The following SPNS3 variants were observed in gnomAD, a reference collection of about 807,000 sequenced individuals.
SPNS3 encodes protein spinster homolog 3.
Under a neutral mutation model 54.4 loss-of-function variants are expected in SPNS3, and 51 were observed. That is an observed-to-expected ratio of 0.94 (90% CI 0.75 to 1.18). SPNS3 has a LOEUF of 1.18. Ranked by LOEUF, SPNS3 falls within the 50% of genes most tolerant of loss-of-function variation. The probability of loss-of-function intolerance (pLI) is 0.00; values close to 1 mark genes in which losing one functional copy is unlikely to be tolerated. For synonymous variants in SPNS3, 309 were observed against 294.7 expected, an observed-to-expected ratio of 1.05 and a Z score of -0.50; for missense variants, 669 against 677.4, an observed-to-expected ratio of 0.99 and a Z score of 0.14.
chr17:4,487,858 A>G lies in SPNS3; in HGVS notation c.1503A>G (p.Leu501=), dbSNP rs333122. Residue 501 remains leucine (L), a synonymous_variant, in exon 12 of 12, where the codon CTA becomes CTG. Transcript: ENST00000355530. The stretch of plus-strand genomic sequence containing the variant: ...GCAACGACCTGGAGAGACAAGGCCT[A>G]CTTTCGGGCGCTGGCGCCTCTACAG... The part of the protein sequence containing the change: ...VDSNDLERQG[L]LSGAGASTEE... 0.27 allele frequency: 433,146 copies of G among 1,607,282 alleles called. 61,789 individuals are homozygous for G. Among genetic ancestry groups the G allele is most frequent in the Middle Eastern group, 0.36 (2,164 of 6,048 alleles).
intron 9 of SPNS3, among the ~76,000 whole-genome samples, chr17:4,484,323 TTTA>T (rs1335979966): frequency 1.3e-5 from 2 of 152,174 alleles, no homozygotes. Context: ...TTATTATTAT[TTTA>T]TTATTATTTT....
chr17:4,470,430 A>G (rs1187378314), intron 8 of SPNS3, among the ~76,000 whole-genome samples: 1 of 151,892 alleles, frequency 6.6e-6, no homozygotes, highest in East Asian at 1.9e-4. Flanking sequence ...CCTGTCTTAA[A>G]ATAATATTAG....
At position 4,457,752 on chromosome 17, in the gene SPNS3, C is replaced by T. The variant is rs563982748; in HGVS notation, c.1113+4547C>T. Among the ~76,000 whole-genome samples, 7 of 152,268 alleles carry T rather than the reference C, an allele frequency of 4.6e-5. No individual in the cohort carries two copies. In the East Asian group the frequency reaches 1.4e-3, roughly 29 times the overall value. The stretch of plus-strand genomic sequence containing the variant: ...TGGGGACACAGCTGCCCCCCCCTCA[C>T]CCCCTGCACCCTGCAGCCTGGCGCA... On this transcript the variant is annotated intron_variant, in intron 8 of 11. Coordinates refer to ENST00000355530, the MANE Select transcript of SPNS3 (RefSeq NM_182538.5).
intron 3 of SPNS3, among the ~76,000 whole-genome samples, chr17:4,445,837 T>C (rs9899942): frequency 0.35 from 53,799 of 151,636 alleles, 10,144 homozygotes; most frequent in Middle Eastern, 0.48. Flanking sequence ...GGAAAAGGGC[T>C]CCCCTGGGCA....
At chr17:4,478,695 T>G (rs1597342045) in intron 9 of SPNS3, 58 bp downstream of exon 9, 4 of 1,533,330 alleles carry the variant, frequency 2.6e-6, no homozygotes, top group Middle Eastern at 1.8e-4. Context: ...GGATTGGGCC[T>G]CTGCTGCTGA....
rs764601606 is a variant in SPNS3 at position 4,448,293 on chromosome 17, C to A, written c.760C>A (p.Leu254Met). 23 of 1,564,684 alleles carry A rather than the reference C, an allele frequency of 1.5e-5. No individual in the cohort carries two copies. Among genetic ancestry groups the A allele is most frequent in the Non-Finnish European group, 1.9e-5 (22 of 1,156,640 alleles). Residue 254 changes from leucine (L) to methionine (M), a missense_variant, in exon 6 of 12, where the codon CTG becomes ATG. Coordinates refer to ENST00000355530, the MANE Select transcript of SPNS3 (RefSeq NM_182538.5). ...RSSWCEDVRY[L>M]GKNWSFVWST... The stretch of plus-strand genomic sequence containing the variant: ...CAGCTGGTGTGAGGACGTCAGATAC[C>A]TGGGGAAAAAGTGAGTATCCCTGCT...
At chr17:4,470,234 G>A (rs1971819947) in intron 8 of SPNS3, among the ~76,000 whole-genome samples, 1 of 152,098 alleles carries the variant, frequency 6.6e-6, no homozygotes, top group Admixed American at 6.6e-5. Context: ...TTCGAGACCA[G>A]CCTGGCCAAC....
chr17:4,460,788 C>T (rs183171014), intron 8 of SPNS3, among the ~76,000 whole-genome samples: 101 of 151,988 alleles, frequency 6.6e-4, no homozygotes, highest in Non-Finnish European at 1.0e-4. Context: ...GATTTTTGCA[C>T]GTACATTCAT....
intron 9 of SPNS3, among the ~76,000 whole-genome samples, chr17:4,484,109 A>G (rs561575459): frequency 5.3e-5 from 8 of 152,156 alleles, no homozygotes; most frequent in Non-Finnish European, 1.0e-4. Context: ...AGAGTGGTCA[A>G]AAGGCCAGAT....
intron 7 of SPNS3, 28 bp downstream of exon 7, chr17:4,449,415 C>A: frequency 6.4e-7 from 1 of 1,552,944 alleles, no homozygotes; most frequent in South Asian, 1.2e-5. Context: ...CCCTGGGCAC[C>A]TGGCCCGGCT....
At chr17:4,435,704 G>T (rs1294104263) in intron 1 of SPNS3, among the ~76,000 whole-genome samples, 9 of 152,174 alleles carry the variant, frequency 5.9e-5, no homozygotes, top group Non-Finnish European at 7.4e-5. Context: ...CTTCTTGCAG[G>T]CTTCAGGGCT....
chr17:4,438,138 A>G (rs1329441139), intron 1 of SPNS3, among the ~76,000 whole-genome samples: 2 of 152,050 alleles, frequency 1.3e-5, no homozygotes, highest in Non-Finnish European at 2.9e-5. Flanking sequence ...CTTCATGTGC[A>G]TGGGGCAGCT....
intron 1 of SPNS3, among the ~76,000 whole-genome samples, chr17:4,436,871 G>A (rs755576248): frequency 1.3e-5 from 2 of 152,226 alleles, no homozygotes; most frequent in Non-Finnish European, 2.9e-5. Flanking sequence ...ACGCAAAGGC[G>A]AGAAGGGGCA....
intron 8 of SPNS3, among the ~76,000 whole-genome samples, chr17:4,466,879 T>C (rs1971690303): frequency 6.6e-6 from 1 of 151,938 alleles, no homozygotes; most frequent in Admixed American, 6.6e-5. Context: ...GTATGTTAGA[T>C]GGGGATGAGT....
Position 4,448,308 on chromosome 17 carries a change from G to T in SPNS3, c.770+5G>T. The stretch of plus-strand genomic sequence containing the variant: ...CGTCAGATACCTGGGGAAAAAGTGA[G>T]TATCCCTGCTACCCCCTGCAAGGCA... On this transcript the variant is annotated splice_donor_5th_base_variant and intron_variant, in intron 6 of 11. Coordinates refer to ENST00000355530, the MANE Select transcript of SPNS3 (RefSeq NM_182538.5). 1 of 1,555,032 alleles carries T rather than the reference G, an allele frequency of 6.4e-7. No individual in the cohort carries two copies. Among genetic ancestry groups the T allele is most frequent in the Non-Finnish European group, 8.7e-7 (1 of 1,150,838 alleles).
chr17:4,448,404 T>G, intron 6 of SPNS3, 101 bp downstream of exon 6: 3 of 1,198,870 alleles, frequency 2.5e-6, no homozygotes, highest in Non-Finnish European at 3.3e-6. Context: ...CCTCCCTGGT[T>G]GTCCCAGTGT....
At chr17:4,472,876 C>T (rs1196761467) in intron 8 of SPNS3, among the ~76,000 whole-genome samples, 2 of 143,130 alleles carry the variant, frequency 1.4e-5, no homozygotes, top group Non-Finnish European at 1.5e-5. Flanking sequence ...GCAGCCTCAA[C>T]CTCCCAGGCT....
chr17:4,446,814 G>A lies in SPNS3; in HGVS notation c.555-82G>A, dbSNP rs553435923. On this transcript the variant is annotated intron_variant, in intron 4 of 11. Coordinates refer to ENST00000355530, the MANE Select transcript of SPNS3 (RefSeq NM_182538.5). ...GCCAGCTCCCTGGGGCGTGGGGGGG[G>A]CACCCTGGGTCAGGCTGGTGGTGGG... 86 of 1,341,328 alleles carry A rather than the reference G, an allele frequency of 6.4e-5. No homozygotes were observed. In the African/African-American group the frequency reaches 1.0e-3, roughly 16 times the overall value. The allele number at this position is 1,341,328 out of a possible 1,614,324, so 83.1% of individuals were successfully genotyped here.
intron 8 of SPNS3, among the ~76,000 whole-genome samples, chr17:4,467,706 T>C (rs1971720110): frequency 1.3e-5 from 2 of 152,250 alleles, no homozygotes; most frequent in African/African-American, 4.8e-5. Context: ...TCTCGCTCTG[T>C]CGCCCACGCT....
Sources: gnomAD v4.1 joint callset for allele counts (sites outside exome capture counted in the v4.1 genomes callset) on GRCh38, gnomAD v4.1.1 for gene constraint, MANE v1.5 for transcripts, NCBI Gene and HGNC (gene_info 2026-07-23, HGNC 2026-07-21) for gene names.